FBXL16: variants seen among roughly 807,000 people sequenced by gnomAD.
The protein encoded by FBXL16 is F-box and leucine rich repeat protein 16.
FBXL16 carries 7 observed loss-of-function variants against 36.7 expected under a neutral mutation model. The ratio of observed to expected loss-of-function variants is 0.19; its 90% CI spans 0.11 to 0.36. The LOEUF is 0.36. Ranked by LOEUF, FBXL16 falls within the 10% of genes least tolerant of loss-of-function variation. FBXL16 has a pLI of 1.00. For missense variants in FBXL16, 463 were observed against 659.4 expected (o/e 0.70, Z 3.26); for synonymous variants, 355 against 308.7 (o/e 1.15, Z -1.57).
chr16:700,805 C>G (rs2040050250), intron 1 of FBXL16, among the ~76,000 whole-genome samples: 1 of 152,040 alleles, frequency 6.6e-6, no homozygotes, highest in Admixed American at 6.5e-5. Context: ...GGACAGCGGC[C>G]GCCCCAGCCG....
In FBXL16 at chr16:696,962, G is replaced by C; in HGVS notation, c.444C>G (p.Asn148Lys). Residue 148 changes from asparagine to lysine, a missense_variant, in exon 2 of 6, where the codon AAC becomes AAG. Physicochemically the swap from Asn to Lys is moderately conservative, Grantham distance 94. Transcript: ENST00000397621. ...ACTCCTTCTCGCCACCAGGCAGCAC[G>C]TTGTAGAGCTCCTTGGCATGCAGCA... ...TPVLHAKELY[N>K]VLPGGEKEFV... 1 of 1,601,166 alleles carries C rather than the reference G, an allele frequency of 6.2e-7. No homozygotes were observed. The highest frequency in any genetic ancestry group is 8.5e-7 in the Non-Finnish European group (1 of 1,175,154).
chr16:702,676 C>T (rs1567300128), intron 1 of FBXL16, among the ~76,000 whole-genome samples: 2 of 152,206 alleles, frequency 1.3e-5, no homozygotes, highest in African/African-American at 2.4e-5. Context: ...GAAATTAACC[C>T]GGATCGTGCC....
Position 695,013 on chromosome 16 carries a change from G to C in FBXL16, c.1206C>G (p.Leu402=). The C allele has an allele frequency of 6.4e-7, 1 of 1,560,320 alleles. No homozygotes were observed. Among genetic ancestry groups the C allele is most frequent in the Non-Finnish European group, 8.7e-7 (1 of 1,148,192 alleles). Residue 402 remains leucine (L), a synonymous_variant, in exon 4 of 6, where the codon CTC becomes CTG. Coordinates refer to ENST00000397621, the MANE Select transcript of FBXL16 (RefSeq NM_153350.4). Reference sequence around the variant, plus strand: ...GTACCTGGCAGCACCATCGCAGGTAGAGGCTGCGGAGGGACGACATGGTGG... The same window carrying C: ...GTACCTGGCAGCACCATCGCAGGTACAGGCTGCGGAGGGACGACATGGTGG... ...YLSTMSSLRS[L]YLRWCCQVQD... is the part of the protein sequence containing the mutation.
chr16:693,113 C>G lies in FBXL16; in HGVS notation c.*1162G>C, dbSNP rs902040766. 1 of 149,460 alleles carries G rather than the reference C, an allele frequency of 6.7e-6. No homozygotes were observed. Among genetic ancestry groups the G allele is most frequent in the East Asian group, 2.0e-4 (1 of 5,086 alleles). The allele number at this position is 149,460 out of a possible 1,614,324, so 9.3% of individuals were successfully genotyped here. On this transcript the variant is annotated 3_prime_UTR_variant, in exon 6 of 6. Coordinates refer to ENST00000397621, the MANE Select transcript of FBXL16 (RefSeq NM_153350.4). Reference sequence around the variant, plus strand: ...CCCAGGACTTCCAAATGTCTCGGGCCGACAGAGCACGGTCAGAGCCCATTT... The same window carrying G: ...CCCAGGACTTCCAAATGTCTCGGGCGGACAGAGCACGGTCAGAGCCCATTT...
chr16:695,361 C>A, intron 3 of FBXL16, 54 bp downstream of exon 3: 1 of 1,231,314 alleles, frequency 8.1e-7, no homozygotes, highest in Non-Finnish European at 1.0e-6. Flanking sequence ...CCCGCCCCGC[C>A]CCGTGCAGCC....
intron 1 of FBXL16, among the ~76,000 whole-genome samples, chr16:703,746 G>T (rs554587913): frequency 6.6e-6 from 1 of 152,260 alleles, no homozygotes; most frequent in Non-Finnish European, 1.5e-5. Context: ...GGCCTCAAGA[G>T]AAACCCGTGT....
At chr16:700,369 G>T (rs1229869987) in intron 1 of FBXL16, among the ~76,000 whole-genome samples, 2 of 152,194 alleles carry the variant, frequency 1.3e-5, no homozygotes, top group African/African-American at 4.8e-5. Flanking sequence ...CACAGCCGGT[G>T]ACCCCCATCA....
At chr16:704,795 A>T (rs2040079668) in intron 1 of FBXL16, among the ~76,000 whole-genome samples, 1 of 152,186 alleles carries the variant, frequency 6.6e-6, no homozygotes, top group Admixed American at 6.5e-5. Context: ...CAGAGCCTGG[A>T]GCCTGGGAAG....
Position 695,422 on chromosome 16 carries a change from G to T in FBXL16, c.1135C>A (p.Leu379Ile). 1 of 1,534,526 alleles carries T rather than the reference G, an allele frequency of 6.5e-7. No individual in the cohort carries two copies. The highest frequency in any genetic ancestry group is 8.7e-7 in the Non-Finnish European group (1 of 1,145,820). The change falls in exon 3 of 6, where the codon CTC (leucine) becomes ATC (isoleucine). Residue 379 changes from leucine to isoleucine, a missense_variant. By Grantham distance (5) the Leu-to-Ile change is conservative. Transcript: ENST00000397621. ...CGGCCCGGGGGCGCGCACCTGTCGA[G>T]CACGAGCTCCTCTAGGCGGTGCAGG... ...CDLHRLEELV[L>I]DRCVRITDTG...
At position 695,802 on chromosome 16, in the gene FBXL16, C is replaced by T; in HGVS notation, c.755G>A (p.Cys252Tyr). The change falls in exon 3 of 6, where the codon TGC becomes TAC. Residue 252 changes from cysteine (C) to tyrosine (Y), a missense_variant. Cys to Tyr is a radical substitution (Grantham distance 194, BLOSUM62 -2). Around this residue, in one of 3 missense-constraint regions of FBXL16, gnomAD observed 66 missense variants for 146.3 expected, o/e 0.45. Coordinates refer to ENST00000397621, the MANE Select transcript of FBXL16 (RefSeq NM_153350.4). The stretch of plus-strand genomic sequence containing the variant: ...GATGGCGTCGTCGGCCACGTTGATG[C>T]AGTCACTCACGCTCAGCGAGGTGAT... ...ARITSLSVSDCINVADDAIAA... is the reference protein window; with the variant it reads ...ARITSLSVSDYINVADDAIAA... 6.2e-7 allele frequency: 1 copy of T among 1,607,972 alleles called. No individual in the cohort carries two copies.
intron 1 of FBXL16, among the ~76,000 whole-genome samples, chr16:699,692 A>G (rs2040041645): frequency 6.6e-6 from 1 of 152,140 alleles, no homozygotes; most frequent in Non-Finnish European, 1.5e-5. Context: ...TGACTCCAGG[A>G]CTAAGCCTGG....
intron 1 of FBXL16, among the ~76,000 whole-genome samples, chr16:705,082 G>C (rs2040082191): frequency 6.6e-6 from 1 of 152,132 alleles, no homozygotes; most frequent in Admixed American, 6.5e-5. Context: ...GAAGCCGCCC[G>C]CCCGGGGAGG....
Position 694,615 on chromosome 16 carries a change from G to A in FBXL16, c.1291+19C>T, listed in dbSNP as rs1453664706. ...GTGGGTGGTCACTGCCAGCGTCAGAGCAGAAACGGGGGTCTCACCTGCCAG... is the reference window on the plus strand; with the variant it reads ...GTGGGTGGTCACTGCCAGCGTCAGAACAGAAACGGGGGTCTCACCTGCCAG... On this transcript the variant is annotated intron_variant, in intron 5 of 5. Coordinates refer to ENST00000397621, the MANE Select transcript of FBXL16 (RefSeq NM_153350.4). 1 of 1,604,894 alleles carries A rather than the reference G, an allele frequency of 6.2e-7. No homozygotes were observed.
At position 694,976 on chromosome 16, in the gene FBXL16, G is replaced by T; in HGVS notation, c.1227+16C>A. 6.6e-7 allele frequency: 1 copy of T among 1,525,216 alleles called. No homozygotes were observed. Among genetic ancestry groups the T allele is most frequent in the Non-Finnish European group, 8.8e-7 (1 of 1,133,104 alleles). The allele number at this position is 1,525,216 out of a possible 1,614,324, so 94.5% of individuals were successfully genotyped here. A position where few individuals can be genotyped will look rare whatever the true frequency, so the allele number is the denominator to read the frequency against. ...TCCCCGCCGATCCCCCAATCCCGGG[G>T]CGTGAGAGCCGGTACCTGGCAGCAC... On this transcript the variant is annotated intron_variant, in intron 4 of 5. Transcript: ENST00000397621.
chr16:700,555 C>T (rs2040047984), intron 1 of FBXL16, among the ~76,000 whole-genome samples: 1 of 152,102 alleles, frequency 6.6e-6, no homozygotes, highest in Non-Finnish European at 1.5e-5. Context: ...CCCAGGTGTC[C>T]GGGGAGGCCT....
chr16:697,370 A>G lies in FBXL16; in HGVS notation c.36T>C (p.Pro12=). The change falls in exon 2 of 6, where the codon CCT becomes CCC. Residue 12 remains proline, a synonymous_variant. Coordinates refer to ENST00000397621, the MANE Select transcript of FBXL16 (RefSeq NM_153350.4). This position sits in a 1 kb window ranked among gnomAD's most constrained non-coding sequence, Gnocchi z 4.6. ...SSPGIDGDPK[P]PCLPRNGLVK... is the part of the protein sequence containing the mutation. ...CCAGACCGTTTCGAGGCAAGCATGG[A>G]GGCTTGGGGTCGCCGTCGATGCCCG... The G allele has an allele frequency of 1.3e-6, 2 of 1,536,018 alleles. No individual in the cohort carries two copies. The highest frequency in any genetic ancestry group is 1.7e-6 in the Non-Finnish European group (2 of 1,147,616).
intron 1 of FBXL16, among the ~76,000 whole-genome samples, chr16:698,811 G>C (rs1454884858): frequency 2.6e-5 from 4 of 151,556 alleles, no homozygotes; most frequent in Non-Finnish European, 1.5e-5. Context: ...CTACTTGGGA[G>C]GCTGAGGCAG....
chr16:697,473 G>C lies in FBXL16; in HGVS notation c.-14-54C>G, dbSNP rs149038281. On this transcript the variant is annotated intron_variant, in intron 1 of 5. Transcript: ENST00000397621. This position sits in a 1 kb window ranked among gnomAD's most constrained non-coding sequence, Gnocchi z 4.6. The stretch of plus-strand genomic sequence containing the variant: ...AGTCTGTTGCTGAGTCTGGAAGGCC[G>C]GGGTTGGGGGCGGGTGCAGTGGGGC... The C allele has an allele frequency of 7.5e-6, 11 of 1,475,430 alleles. No individual in the cohort carries two copies. Among genetic ancestry groups the C allele is most frequent in the Non-Finnish European group, 9.9e-6 (11 of 1,114,284 alleles). 91.4% of individuals were successfully genotyped at this position (1,475,430 alleles called of 1,614,324 possible).
intron 1 of FBXL16, among the ~76,000 whole-genome samples, chr16:698,314 T>C (rs1291574411): frequency 1.3e-5 from 2 of 152,196 alleles, no homozygotes; most frequent in African/African-American, 4.8e-5. Flanking sequence ...GAAACCTTTT[T>C]GTTTGCCCAG....
Sources: gnomAD v4.1 joint callset for allele counts (sites outside exome capture counted in the v4.1 genomes callset) on GRCh38, gnomAD v4.1.1 for gene constraint, gnomAD v4.1.1 regional missense constraint, Gnocchi (gnomAD v3.1) non-coding constraint, MANE v1.5 for transcripts, NCBI Gene and HGNC (gene_info 2026-07-23, HGNC 2026-07-21) for gene names.